Variants in UACA observed in about 807,000 individuals in gnomAD.
The protein encoded by UACA is nuclear membrane binding protein.
In UACA, 112 loss-of-function variants were observed where a neutral mutation model predicts 160.5. The observed-to-expected ratio is 0.70, with a 90% CI of 0.60 to 0.82. UACA has a LOEUF of 0.82. Ranked by LOEUF, UACA falls within the 40% of genes least tolerant of loss-of-function variation. The pLI, the probability that UACA is intolerant of heterozygous loss-of-function variation, is 0.00. For synonymous variants in UACA, 557 were observed against 568.4 expected (o/e 0.98, Z 0.29); for missense variants, 1,574 against 1,614.6 (o/e 0.97, Z 0.43).
chr15:70,714,127 C>T lies in UACA; in HGVS notation c.79-14467G>A, dbSNP rs190980618. On this transcript the variant is annotated intron_variant, in intron 1 of 18. Coordinates refer to ENST00000322954, the MANE Select transcript of UACA (RefSeq NM_018003.4). ...CTGTTACACAAGCTCTATCACAATT[C>T]AAAACAGCAGACAGCAAAGCTTACG... 1.6e-4 allele frequency among the ~76,000 whole-genome samples: 24 copies of T among 152,286 alleles called. No homozygotes were observed. In the East Asian group the frequency reaches 4.4e-3, roughly 28 times the overall value.
chr15:70,718,028 T>TACACACATAC (rs1555414600), intron 1 of UACA, among the ~76,000 whole-genome samples: 30 of 142,592 alleles, frequency 2.1e-4, no homozygotes, highest in African/African-American at 7.7e-4. Flanking sequence ...AATTTCTTTA[T>TACACACATAC]ACACACACAC....
At position 70,668,775 on chromosome 15, in the gene UACA, T is replaced by C; in HGVS notation, c.1909A>G (p.Ser637Gly). ...TCATTCACTTCATTTGATAATGAGC[T>C]CTTCATGTTTTCAAATTTTTCAGCT... ...IPAEKFENMK[S>G]SLSNEVNEKA... The change falls in exon 16 of 19, where the codon AGC (serine) becomes GGC (glycine). Residue 637 changes from serine (S) to glycine (G), a missense_variant. By Grantham distance (56) the Ser-to-Gly change is moderately conservative. Transcript: ENST00000322954. 3.1e-6 allele frequency: 5 copies of C among 1,614,056 alleles called. No individual in the cohort carries two copies. Among genetic ancestry groups the C allele is most frequent in the Non-Finnish European group, 3.4e-6 (4 of 1,180,026 alleles).
intron 10 of UACA, among the ~76,000 whole-genome samples, chr15:70,679,145 G>C (rs1418955311): frequency 6.6e-6 from 1 of 152,114 alleles, no homozygotes; most frequent in Non-Finnish European, 1.5e-5. Context: ...GCTCACGCTT[G>C]TAATCCCAAC....
intron 1 of UACA, among the ~76,000 whole-genome samples, chr15:70,725,275 T>G (rs765261005): frequency 1.1e-4 from 16 of 152,310 alleles, no homozygotes; most frequent in Non-Finnish European, 1.8e-4. Flanking sequence ...AGCTCATATT[T>G]ATAATAGAAT....
intron 1 of UACA, among the ~76,000 whole-genome samples, chr15:70,706,519 TA>T (rs34478198): frequency 0.035 from 4,296 of 121,292 alleles, 76 homozygotes; most frequent in Middle Eastern, 0.083. Flanking sequence ...TCTTATTTGT[TA>T]AAAAAAAAAA....
At chr15:70,718,058 C>CACACACAT (rs1555414601) in intron 1 of UACA, among the ~76,000 whole-genome samples, 2 of 146,036 alleles carry the variant, frequency 1.4e-5, no homozygotes, top group African/African-American at 2.7e-5. Flanking sequence ...CACACACACA[C>CACACACAT]ATATATATCC....
At chr15:70,706,956 G>T (rs941830707) in intron 1 of UACA, among the ~76,000 whole-genome samples, 1 of 152,082 alleles carries the variant, frequency 6.6e-6, no homozygotes, top group Admixed American at 6.6e-5. Flanking sequence ...ACATTCACAT[G>T]GAATCTCAAG....
chr15:70,671,367 T>C (rs993484668), intron 14 of UACA: 20 of 246,728 alleles, frequency 8.1e-5, no homozygotes, highest in African/African-American at 4.5e-4. Context: ...TTCAGAAATA[T>C]TGAGGACTCT....
intron 1 of UACA, among the ~76,000 whole-genome samples, chr15:70,737,663 G>A (rs768806502): frequency 8.5e-5 from 13 of 152,086 alleles, no homozygotes; most frequent in Non-Finnish European, 1.3e-4. Context: ...AGCTGAGATC[G>A]CGCCACTGTA....
the UACA span, among the ~76,000 whole-genome samples, chr15:70,772,560 T>C: frequency 6.7e-6 from 1 of 149,132 alleles, no homozygotes; most frequent in Non-Finnish European, 1.5e-5. Context: ...GGGATGACTA[T>C]GGGAGCTATG....
At chr15:70,746,770 T>C (rs1352990391) in intron 1 of UACA, among the ~76,000 whole-genome samples, 1 of 152,186 alleles carries the variant, frequency 6.6e-6, no homozygotes, top group Non-Finnish European at 1.5e-5. Flanking sequence ...AAAGAAAATG[T>C]GGCACATATT....
intron 1 of UACA, among the ~76,000 whole-genome samples, chr15:70,739,182 G>T (rs965245905): frequency 6.6e-6 from 1 of 152,118 alleles, no homozygotes; most frequent in Non-Finnish European, 1.5e-5. Context: ...CATCTAAGAT[G>T]GGAGAAAATG....
At chr15:70,777,702 G>A in the UACA span, among the ~76,000 whole-genome samples, 1 of 152,110 alleles carries the variant, frequency 6.6e-6, no homozygotes, top group African/African-American at 2.4e-5. Flanking sequence ...CCTGGACCAC[G>A]GGCAAGTAGT....
intron 16 of UACA, 154 bp from the exon 17 acceptor site, chr15:70,664,968 G>T: frequency 1.8e-6 from 1 of 550,826 alleles, no homozygotes; most frequent in African/African-American, 1.9e-5. Flanking sequence ...TACCAAGGAT[G>T]TATACAATAT....
Position 70,745,447 on chromosome 15 carries a change from A to G in UACA, c.78+17883T>C, listed in dbSNP as rs1259926612. On this transcript the variant is annotated intron_variant, in intron 1 of 18. Transcript: ENST00000322954. Reference sequence around the variant, plus strand: ...AGACTCTGTCTCAAAAAAGAAAAAGAAAAAAAAAAAAAAAGAGAGGACATA... The same window carrying G: ...AGACTCTGTCTCAAAAAAGAAAAAGGAAAAAAAAAAAAAAGAGAGGACATA... Among the ~76,000 whole-genome samples the G allele has an allele frequency of 5.6e-4, 8 of 14,262 alleles. 1 individual carries two copies. Among genetic ancestry groups the G allele is most frequent in the Admixed American group, 2.4e-3 (1 of 410 alleles). The allele number at this position is 14,262 out of a possible 152,430, so 9.4% of individuals were successfully genotyped here. A position where few individuals can be genotyped will look rare whatever the true frequency, so the allele number is the denominator to read the frequency against.
chr15:70,743,724 C>A (rs1899607349), intron 1 of UACA, among the ~76,000 whole-genome samples: 1 of 151,912 alleles, frequency 6.6e-6, no homozygotes, highest in Admixed American at 6.6e-5. Flanking sequence ...ATTTCTAGTC[C>A]CAGTAAGAGG....
intron 1 of UACA, among the ~76,000 whole-genome samples, chr15:70,718,062 T>C (rs562549787): frequency 0.025 from 3,498 of 140,200 alleles, 154 homozygotes; most frequent in African/African-American, 0.098. Flanking sequence ...CACACACATA[T>C]ATATCCTATT....
intron 1 of UACA, among the ~76,000 whole-genome samples, chr15:70,735,147 TAAAAAAA>T (rs1555415817): frequency 3.2e-4 from 1 of 3,100 alleles, no homozygotes; most frequent in African/African-American, 1.2e-3. Context: ...TAGAGTATAA[TAAAAAAA>T]AAAAAAAAAA....
intron 2 of UACA, among the ~76,000 whole-genome samples, chr15:70,695,908 T>C (rs1566980111): frequency 6.6e-6 from 1 of 152,238 alleles, no homozygotes; most frequent in Non-Finnish European, 1.5e-5. Flanking sequence ...ACTGACATTC[T>C]GTAAATCTAT....
Sources: allele counts gnomAD v4.1 joint callset (sites outside exome capture counted in the v4.1 genomes callset), GRCh38; gene constraint gnomAD v4.1.1; transcripts MANE v1.5; gene names NCBI Gene and HGNC (gene_info 2026-07-23, HGNC 2026-07-21).